Variants in PRMT8 observed in about 807,000 individuals in gnomAD.
PRMT8 encodes protein arginine methyltransferase 8, also known as protein arginine N-methyltransferase 8.
Under a neutral mutation model 47.1 loss-of-function variants are expected in PRMT8, and 7 were observed. That is an observed-to-expected ratio of 0.15 (90% CI 0.08 to 0.28). The LOEUF (loss-of-function observed/expected upper bound fraction) is 0.28, where lower values mean the gene tolerates loss of function less well. Among genes scored for constraint, PRMT8 ranks in the 10% least tolerant of loss-of-function variants. The probability of loss-of-function intolerance (pLI) is 1.00; values close to 1 mark genes in which losing one functional copy is unlikely to be tolerated. For synonymous variants in PRMT8, 188 were observed against 186.5 expected (o/e 1.01, Z -0.07); for missense variants, 237 against 505.4 (o/e 0.47, Z 5.09).
intron 2 of PRMT8, among the ~76,000 whole-genome samples, chr12:3,541,321 C>T (rs1169684401): frequency 6.6e-6 from 1 of 152,194 alleles, no homozygotes; most frequent in Non-Finnish European, 1.5e-5. Context: ...TGCCAGTTTA[C>T]CCCATAGCAG....
intron 1 of PRMT8, among the ~76,000 whole-genome samples, chr12:3,421,759 T>A (rs1171892064): frequency 6.6e-6 from 1 of 152,192 alleles, no homozygotes; most frequent in African/African-American, 2.4e-5. Flanking sequence ...TTGGTTTTGT[T>A]TTAGTGTTTG....
intron 1 of PRMT8, among the ~76,000 whole-genome samples, chr12:3,422,785 TC>T (rs1409652871): frequency 6.6e-6 from 1 of 152,222 alleles, no homozygotes; most frequent in African/African-American, 2.4e-5. Context: ...AGTTTTTACT[TC>T]TTTCTTTGGA....
At position 3,566,816 on chromosome 12, in the gene PRMT8, A is replaced by G. The variant is rs552235726; in HGVS notation, c.482-1890A>G. ...ATTGTGTGAGTTTTTTTCAGAGGAT[A>G]TTGCAGAATGAGAGTTTCAGAGCAT... On this transcript the variant is annotated intron_variant, in intron 4 of 9. Transcript: ENST00000382622. This position sits in a 1 kb window ranked among gnomAD's most constrained non-coding sequence, Gnocchi z 4.7. 6.6e-5 allele frequency among the ~76,000 whole-genome samples: 10 copies of G among 152,330 alleles called. No homozygotes were observed. Among genetic ancestry groups the G allele is most frequent in the African/African-American group, 2.4e-4 (10 of 41,578 alleles).
exon 1 of PRMT8, chr12:3,381,395 ATGGAGTCTC>A: frequency 1.3e-6 from 2 of 1,536,078 alleles, no homozygotes; most frequent in Non-Finnish European, 1.7e-6. Context: ...GCCAGGTTGA[ATGGAGTCTC>A]TGGCTTCAGA....
chr12:3,479,724 C>A (rs1865254582), intron 1 of PRMT8, among the ~76,000 whole-genome samples: 1 of 152,200 alleles, frequency 6.6e-6, no homozygotes, highest in African/African-American at 2.4e-5. Flanking sequence ...TTTTCCCCAC[C>A]CCATAAAGAG....
rs935940134 is a variant in PRMT8 at position 3,514,686 on chromosome 12, C to T, written c.75+22986C>T. 6.6e-6 allele frequency among the ~76,000 whole-genome samples: 1 copy of T among 151,406 alleles called. No homozygotes were observed. The highest frequency in any genetic ancestry group is 1.5e-5 in the Non-Finnish European group (1 of 67,800). On this transcript the variant is annotated intron_variant, in intron 1 of 9. Transcript: ENST00000382622. The surrounding 1 kb of genome is among the most constrained non-coding windows in gnomAD (Gnocchi z 5.9). Reference sequence around the variant, plus strand: ...GGGTTCTGCCTGTGGGCGACAGGAGCACCAGTGGGAGGGCAACAGGAGCAC... The same window carrying T: ...GGGTTCTGCCTGTGGGCGACAGGAGTACCAGTGGGAGGGCAACAGGAGCAC...
In PRMT8 at chr12:3,582,443, C is replaced by T. The variant is rs74459747; in HGVS notation, c.829-615C>T. On this transcript the variant is annotated intron_variant, in intron 7 of 9. Coordinates refer to ENST00000382622, the MANE Select transcript of PRMT8 (RefSeq NM_019854.5). The stretch of plus-strand genomic sequence containing the variant: ...ATGGCCAGCAGAACTTTCCTAAGCT[C>T]TGTCTGTGACTTTGTGGGCTCAGGT... 6.2e-4 allele frequency among the ~76,000 whole-genome samples: 95 copies of T among 152,348 alleles called. No homozygotes were observed. The East Asian group carries it at 0.016, about 26-fold the overall frequency.
At chr12:3,447,872 C>T (rs1327677184) in intron 1 of PRMT8, among the ~76,000 whole-genome samples, 3 of 152,292 alleles carry the variant, frequency 2.0e-5, no homozygotes, top group Admixed American at 6.5e-5. Context: ...TGTACTTGGG[C>T]ACACCTGCCA....
At chr12:3,448,794 G>A (rs147527949) in intron 1 of PRMT8, among the ~76,000 whole-genome samples, 19 of 152,212 alleles carry the variant, frequency 1.2e-4, no homozygotes, top group Middle Eastern at 3.4e-3. Flanking sequence ...TGTTACCTAG[G>A]TAAACATGTG....
intron 1 of PRMT8, among the ~76,000 whole-genome samples, chr12:3,431,794 T>C (rs1466205229): frequency 1.3e-5 from 2 of 152,096 alleles, no homozygotes; most frequent in Non-Finnish European, 2.9e-5. Context: ...GAGAAATGTA[T>C]AGTGTAGTCT....
At chr12:3,389,903 A>T (rs919477165) in intron 1 of PRMT8, among the ~76,000 whole-genome samples, 1 of 152,242 alleles carries the variant, frequency 6.6e-6, no homozygotes, top group Non-Finnish European at 1.5e-5. Context: ...GGGACCCAGA[A>T]ACATACCCGA....
At chr12:3,563,118 C>T (rs1866663892) in intron 4 of PRMT8, among the ~76,000 whole-genome samples, 1 of 151,406 alleles carries the variant, frequency 6.6e-6, no homozygotes, top group Non-Finnish European at 1.5e-5. Context: ...GTGATGATCT[C>T]GGGTGGGAAG....
At chr12:3,483,259 C>G (rs1222892227) in intron 1 of PRMT8, among the ~76,000 whole-genome samples, 1 of 152,152 alleles carries the variant, frequency 6.6e-6, no homozygotes. Context: ...CTGCGAGGCC[C>G]TAGGCAGAAA....
chr12:3,496,214 A>ATTTT lies in PRMT8; in HGVS notation c.75+4537_75+4540dup, dbSNP rs1555085718. On this transcript the variant is annotated intron_variant, in intron 1 of 9. Coordinates refer to ENST00000382622, the MANE Select transcript of PRMT8 (RefSeq NM_019854.5). ...TTTGGAAACTGATATATATATATAT[A>ATTTT]TTTTTTTTTTTTTTTTTTTTTTTTT... Among the ~76,000 whole-genome samples the ATTTT allele has an allele frequency of 9.5e-3, 264 of 27,760 alleles. 39 individuals are homozygous for ATTTT. The highest frequency in any genetic ancestry group is 0.015 in the Non-Finnish European group (195 of 12,642). The allele number at this position is 27,760 out of a possible 152,430, so 18.2% of individuals were successfully genotyped here.
chr12:3,553,402 T>A, intron 3 of PRMT8: 1 of 580,938 alleles, frequency 1.7e-6, no homozygotes, highest in Non-Finnish European at 3.1e-6. Flanking sequence ...AGCACAGAGA[T>A]CAATCCCTCC....
intron 1 of PRMT8, among the ~76,000 whole-genome samples, chr12:3,470,689 AG>A (rs918212806): frequency 3.9e-5 from 4 of 103,760 alleles, no homozygotes; most frequent in Admixed American, 3.6e-4. Flanking sequence ...CCCGGTGTCC[AG>A]GGCGGGGGGA....
intron 1 of PRMT8, among the ~76,000 whole-genome samples, chr12:3,506,038 C>T (rs548721618): frequency 4.6e-5 from 7 of 152,298 alleles, no homozygotes; most frequent in African/African-American, 1.7e-4. Context: ...GTAGGCCCAC[C>T]GACTTCTCAG....
chr12:3,481,644 G>C (rs1055556702), intron 1 of PRMT8, among the ~76,000 whole-genome samples: 3 of 152,182 alleles, frequency 2.0e-5, no homozygotes, highest in Non-Finnish European at 4.4e-5. Flanking sequence ...AGGTTATGGA[G>C]TATTGACTGA....
At position 3,492,362 on chromosome 12, in the gene PRMT8, G is replaced by A. The variant is rs1050140193; in HGVS notation, c.75+662G>A. On this transcript the variant is annotated intron_variant, in intron 1 of 9. Transcript: ENST00000382622. The surrounding 1 kb of genome is among the most constrained non-coding windows in gnomAD (Gnocchi z 7.5). ...GTAGCTAAACCCGGCAGGGCACACG[G>A]GCCGCGGCCACCTTCAGCACCAGGG... Among the ~76,000 whole-genome samples the A allele has an allele frequency of 7.2e-5, 11 of 152,088 alleles. No homozygotes were observed. Among genetic ancestry groups the A allele is most frequent in the African/African-American group, 2.4e-4 (10 of 41,412 alleles).
Sources: gnomAD v4.1 joint callset for allele counts (sites outside exome capture counted in the v4.1 genomes callset) on GRCh38, gnomAD v4.1.1 for gene constraint, Gnocchi (gnomAD v3.1) non-coding constraint, MANE v1.5 for transcripts, NCBI Gene and HGNC (gene_info 2026-07-23, HGNC 2026-07-21) for gene names.